The following PTPN1 variants were observed in gnomAD, a reference collection of about 807,000 sequenced individuals.
The protein encoded by PTPN1 is protein tyrosine phosphatase non-receptor type 1, also known as tyrosine-protein phosphatase non-receptor type 1.
A neutral mutation model predicts 59.9 loss-of-function variants in PTPN1; 12 were observed. The ratio of observed to expected loss-of-function variants is 0.20; its 90% confidence interval spans 0.13 to 0.32. The LOEUF (loss-of-function observed/expected upper bound fraction) is 0.32. Ranked by LOEUF, PTPN1 falls within the 10% of genes least tolerant of loss-of-function variation. The pLI, the probability that PTPN1 is intolerant of heterozygous loss-of-function variation, is 1.00. For synonymous variants in PTPN1, 178 were observed against 203.6 expected (o/e 0.87, Z 1.07); for missense variants, 356 against 549.2 (o/e 0.65, Z 3.52).
At chr20:50,574,742 AGTGTT>A in intron 5 of PTPN1, 88 bp downstream of exon 5, 1 of 1,475,584 alleles carries the variant, frequency 6.8e-7, no homozygotes, top group Non-Finnish European at 9.2e-7. Context: ...ACCTAATGTC[AGTGTT>A]CCTGGCTTTT....
At chr20:50,575,132 C>G (rs1354151488) in intron 5 of PTPN1, 1 of 154,938 alleles carries the variant, frequency 6.5e-6, no homozygotes, top group African/African-American at 2.4e-5. Context: ...CAGCTACTTG[C>G]TTGGTAAAAG....
chr20:50,564,873 C>A, intron 2 of PTPN1, 96 bp from the exon 3 acceptor site: 1 of 1,555,814 alleles, frequency 6.4e-7, no homozygotes, highest in Non-Finnish European at 8.7e-7. Context: ...GCCACTAATG[C>A]CACCAACTCA....
chr20:50,581,388 T>C lies in PTPN1; in HGVS notation c.1212T>C (p.Ser404=). Residue 404 remains serine (S), a synonymous_variant, in exon 9 of 10, where the codon AGT becomes AGC. Coordinates refer to ENST00000371621, the MANE Select transcript of PTPN1 (RefSeq NM_002827.4). The part of the protein sequence containing the change: ...LPEKDEDHAL[S]YWKPFLVNMC... ...AGAAGGACGAGGACCATGCACTGAG[T>C]TACTGGAAGCCCTTCCTGGTCAACA... 2 of 1,613,866 alleles carry C rather than the reference T, an allele frequency of 1.2e-6. No individual in the cohort carries two copies. The highest frequency in any genetic ancestry group is 1.7e-6 in the Non-Finnish European group (2 of 1,179,834).
At chr20:50,518,385 A>G (rs1462149973) in intron 1 of PTPN1, among the ~76,000 whole-genome samples, 2 of 152,262 alleles carry the variant, frequency 1.3e-5, no homozygotes, top group Non-Finnish European at 2.9e-5. Context: ...TGCATTTAGC[A>G]TAACATGGTA....
Position 50,510,420 on chromosome 20 carries a change from AG to A in PTPN1, c.-104del. 1 of 1,235,894 alleles carries A rather than the reference AG, an allele frequency of 8.1e-7. No homozygotes were observed. The highest frequency in any genetic ancestry group is 1.1e-6 in the Non-Finnish European group (1 of 890,984). The allele number at this position is 1,235,894 out of a possible 1,614,324, so 76.6% of individuals were successfully genotyped here. On this transcript the variant is annotated 5_prime_UTR_variant, in exon 1 of 10. Coordinates refer to ENST00000371621, the MANE Select transcript of PTPN1 (RefSeq NM_002827.4). ...CAGCGGCTAGGGCGGCGGTAGCTGC[AG>A]GGGTCGGGGATTGCAGCGGGCCTCG...
At chr20:50,539,126 T>C (rs6020586) in intron 1 of PTPN1, among the ~76,000 whole-genome samples, 78,291 of 150,300 alleles carry the variant, frequency 0.52, 20,915 homozygotes, top group African/African-American at 0.66. Context: ...ACCTCCACCT[T>C]CTGGGTTTAA....
intron 1 of PTPN1, among the ~76,000 whole-genome samples, chr20:50,554,588 AAT>A (rs1481830359): frequency 1.3e-5 from 2 of 152,158 alleles, no homozygotes; most frequent in African/African-American, 4.8e-5. Context: ...ATAAATATGA[AAT>A]ATATTTTTAT....
chr20:50,543,667 A>G (rs1012667355), intron 1 of PTPN1, among the ~76,000 whole-genome samples: 1 of 152,224 alleles, frequency 6.6e-6, no homozygotes, highest in African/African-American at 2.4e-5. Context: ...TAAAGGCAAT[A>G]TAATGGGCAT....
At chr20:50,569,609 G>A (rs1250499249) in intron 4 of PTPN1, among the ~76,000 whole-genome samples, 3 of 152,104 alleles carry the variant, frequency 2.0e-5, no homozygotes, top group South Asian at 2.1e-4. Flanking sequence ...AAACTGTCCT[G>A]TGTAGATTGT....
intron 1 of PTPN1, among the ~76,000 whole-genome samples, chr20:50,540,079 G>A (rs1304605639): frequency 1.3e-5 from 2 of 151,688 alleles, no homozygotes; most frequent in African/African-American, 4.8e-5. Context: ...TTTCGAGACA[G>A]AGTTTCGCTC....
intron 1 of PTPN1, among the ~76,000 whole-genome samples, chr20:50,520,471 C>A (rs1250096744): frequency 6.6e-6 from 1 of 151,948 alleles, no homozygotes; most frequent in Non-Finnish European, 1.5e-5. Flanking sequence ...AATTCTTGTT[C>A]CAAGCTAGTG....
chr20:50,573,844 A>C (rs1393257927), intron 4 of PTPN1: 1 of 152,268 alleles, frequency 6.6e-6, no homozygotes, highest in Non-Finnish European at 1.5e-5. Flanking sequence ...CCAAATTTTC[A>C]TAAATTTTCT....
At chr20:50,516,478 T>C (rs951145450) in intron 1 of PTPN1, among the ~76,000 whole-genome samples, 1 of 152,208 alleles carries the variant, frequency 6.6e-6, no homozygotes, top group Non-Finnish European at 1.5e-5. Context: ...AAATCCTTAA[T>C]GTACTCACAA....
intron 1 of PTPN1, among the ~76,000 whole-genome samples, chr20:50,540,409 G>C (rs2082646222): frequency 6.6e-6 from 1 of 152,192 alleles, no homozygotes; most frequent in African/African-American, 2.4e-5. Context: ...TTATGAGAGA[G>C]AAGGGGGTGG....
At chr20:50,574,683 A>G in intron 5 of PTPN1, 29 bp downstream of exon 5, 3 of 1,580,526 alleles carry the variant, frequency 1.9e-6, no homozygotes, top group East Asian at 4.6e-5. Context: ...TCAGCACTTC[A>G]GGCGGCTACT....
At chr20:50,535,193 C>G (rs1475708861) in intron 1 of PTPN1, among the ~76,000 whole-genome samples, 1 of 152,180 alleles carries the variant, frequency 6.6e-6, no homozygotes, top group African/African-American at 2.4e-5. Flanking sequence ...TATCACTGTC[C>G]TACTTGAAAA....
At chr20:50,563,014 G>C (rs1339105715) in intron 2 of PTPN1, 1 of 149,744 alleles carries the variant, frequency 6.7e-6, no homozygotes. Context: ...CCAGGGGCTG[G>C]TCCAAGTACA....
At chr20:50,560,990 C>G (rs937721199) in intron 1 of PTPN1, among the ~76,000 whole-genome samples, 1 of 152,158 alleles carries the variant, frequency 6.6e-6, no homozygotes, top group Non-Finnish European at 1.5e-5. Flanking sequence ...ATTCAAGGCT[C>G]TCTGAGATCT....
intron 5 of PTPN1, among the ~76,000 whole-genome samples, chr20:50,575,367 T>C (rs754118): frequency 0.63 from 95,357 of 152,018 alleles, 29,867 homozygotes; most frequent in Middle Eastern, 0.77. Flanking sequence ...CCCACCTTAC[T>C]AGCTCATCAC....
Sources: allele counts gnomAD v4.1 joint callset (sites outside exome capture counted in the v4.1 genomes callset), GRCh38; gene constraint gnomAD v4.1.1; transcripts MANE v1.5; gene names NCBI Gene and HGNC (gene_info 2026-07-23, HGNC 2026-07-21).